The following SCAPER variants were observed in gnomAD, a reference collection of about 807,000 sequenced individuals.
The protein encoded by SCAPER is S phase cyclin A-associated protein in the endoplasmic reticulum.
Under a neutral mutation model 182.2 loss-of-function variants are expected in SCAPER, and 98 were observed. That is an observed-to-expected ratio of 0.54 (90% confidence interval 0.46 to 0.64). SCAPER has a LOEUF of 0.64. Among genes scored for constraint, SCAPER ranks in the 30% least tolerant of loss-of-function variants. The pLI is 0.00. For missense variants in SCAPER, 1,432 were observed against 1,690.0 expected, an observed-to-expected ratio of 0.85 and a Z score of 2.68; for synonymous variants, 605 against 564.6, an observed-to-expected ratio of 1.07 and a Z score of -1.01.
chr15:76,894,888 T>A (rs540888477), intron 1 of SCAPER, among the ~76,000 whole-genome samples: 1 of 152,248 alleles, frequency 6.6e-6, no homozygotes, highest in Non-Finnish European at 1.5e-5. Context: ...ACTGATTTTT[T>A]AATAAAAAAC....
intron 6 of SCAPER, among the ~76,000 whole-genome samples, chr15:76,803,957 C>T (rs2065960870): frequency 6.6e-6 from 1 of 152,154 alleles, no homozygotes; most frequent in Non-Finnish European, 1.5e-5. Flanking sequence ...CCAAATGAAT[C>T]CTTCTAAAGG....
chr15:76,419,723 A>T (rs2045899143), intron 26 of SCAPER, among the ~76,000 whole-genome samples: 1 of 152,208 alleles, frequency 6.6e-6, no homozygotes, highest in South Asian at 2.1e-4. Context: ...TCTGTCTCAA[A>T]AAAAAAGAAC....
At chr15:76,760,570 A>G (rs1598567690) in intron 14 of SCAPER, among the ~76,000 whole-genome samples, 1 of 152,268 alleles carries the variant, frequency 6.6e-6, no homozygotes, top group South Asian at 2.1e-4. Flanking sequence ...TTTGGCAATC[A>G]ACCAAACCTG....
intron 2 of SCAPER, among the ~76,000 whole-genome samples, chr15:76,880,147 T>G (rs1324702299): frequency 2.0e-5 from 3 of 152,238 alleles, no homozygotes. Flanking sequence ...CACATTTCCT[T>G]GACCTCTGCG....
chr15:76,381,366 A>T lies in SCAPER; in HGVS notation c.3705+12T>A. 1 of 1,604,064 alleles carries T rather than the reference A, an allele frequency of 6.2e-7. No homozygotes were observed. The highest frequency in any genetic ancestry group is 8.5e-7 in the Non-Finnish European group (1 of 1,173,376). On this transcript the variant is annotated intron_variant, in intron 28 of 31. Transcript: ENST00000563290. ...TGATTGGTTAACATCGATATAAACC[A>T]ATACTTGGTACCTGAAAAGCAGGCA...
chr15:76,558,886 A>G (rs1035753797), intron 23 of SCAPER, among the ~76,000 whole-genome samples: 1 of 152,132 alleles, frequency 6.6e-6, no homozygotes, highest in Non-Finnish European at 1.5e-5. Context: ...GTCTGATATG[A>G]TTAGGCTTTG....
chr15:76,756,243 CAAAAAAAAA>C (rs34158299), intron 14 of SCAPER, among the ~76,000 whole-genome samples: 4 of 66,020 alleles, frequency 6.1e-5, no homozygotes, highest in South Asian at 7.5e-4. Flanking sequence ...GACTCCGTCT[CAAAAAAAAA>C]AAAAAAAAAA....
intron 27 of SCAPER, among the ~76,000 whole-genome samples, chr15:76,395,732 T>A (rs556690020): frequency 1.3e-5 from 2 of 152,322 alleles, no homozygotes; most frequent in East Asian, 3.8e-4. Flanking sequence ...TGAATTCTTA[T>A]ATATTCTAGT....
At chr15:76,422,996 T>A (rs1240954385) in intron 26 of SCAPER, among the ~76,000 whole-genome samples, 2 of 152,224 alleles carry the variant, frequency 1.3e-5, no homozygotes, top group Non-Finnish European at 2.9e-5. Flanking sequence ...GATAAGCTTT[T>A]TGATGTGCTG....
At chr15:76,495,414 C>T (rs1306683232) in intron 24 of SCAPER, among the ~76,000 whole-genome samples, 1 of 151,586 alleles carries the variant, frequency 6.6e-6, no homozygotes. Flanking sequence ...CCTGTCTCTA[C>T]TAAAAATACA....
chr15:76,531,378 T>C (rs2043650331), intron 23 of SCAPER, among the ~76,000 whole-genome samples: 1 of 152,178 alleles, frequency 6.6e-6, no homozygotes, highest in Non-Finnish European at 1.5e-5. Context: ...CTTCTGAGTA[T>C]GTGTGAAGAC....
intron 14 of SCAPER, among the ~76,000 whole-genome samples, chr15:76,762,720 C>T (rs945637373): frequency 6.6e-6 from 1 of 152,216 alleles, no homozygotes; most frequent in Non-Finnish European, 1.5e-5. Context: ...GCAATCCTAG[C>T]TCACTGCAGC....
intron 5 of SCAPER, among the ~76,000 whole-genome samples, chr15:76,817,697 T>C (rs1353593145): frequency 1.3e-5 from 2 of 152,130 alleles, no homozygotes; most frequent in African/African-American, 4.8e-5. Flanking sequence ...ATAACAAATA[T>C]ATATGTAAAT....
At chr15:76,727,419 C>T (rs1221325504) in intron 17 of SCAPER, among the ~76,000 whole-genome samples, 2 of 151,950 alleles carry the variant, frequency 1.3e-5, no homozygotes, top group South Asian at 2.1e-4. Context: ...CAGAACACAA[C>T]AGTCCACGAG....
At chr15:76,470,221 T>C (rs908300254) in intron 25 of SCAPER, among the ~76,000 whole-genome samples, 1 of 152,164 alleles carries the variant, frequency 6.6e-6, no homozygotes. Context: ...ATCTTGGAGA[T>C]AGTGATAACT....
chr15:76,603,829 CT>C (rs1361435390), intron 22 of SCAPER, among the ~76,000 whole-genome samples: 1 of 121,908 alleles, frequency 8.2e-6, no homozygotes, highest in Non-Finnish European at 2.0e-5. Flanking sequence ...TAAATGTCTT[CT>C]TTTGAGAAGT....
intron 24 of SCAPER, among the ~76,000 whole-genome samples, chr15:76,504,140 G>C (rs953514307): frequency 1.3e-5 from 2 of 152,002 alleles, no homozygotes; most frequent in African/African-American, 4.8e-5. Flanking sequence ...CTCCTGCCTT[G>C]ACCTCCCAAA....
intron 22 of SCAPER, among the ~76,000 whole-genome samples, chr15:76,619,298 AAT>A (rs1366566468): frequency 6.6e-6 from 1 of 152,226 alleles, no homozygotes. Flanking sequence ...ATTACTAAGT[AAT>A]ACCCCATTGT....
At chr15:76,410,027 A>G (rs982342050) in intron 26 of SCAPER, among the ~76,000 whole-genome samples, 3 of 151,104 alleles carry the variant, frequency 2.0e-5, no homozygotes, top group African/African-American at 7.3e-5. Context: ...TCCTGGACTC[A>G]AGCGAGCTGC....
Sources: gnomAD v4.1 joint callset for allele counts (sites outside exome capture counted in the v4.1 genomes callset) on GRCh38, gnomAD v4.1.1 for gene constraint, MANE v1.5 for transcripts, NCBI Gene and HGNC (gene_info 2026-07-23, HGNC 2026-07-21) for gene names.